Variants in YAP1 observed in about 807,000 individuals in gnomAD.
YAP1 encodes Yes1 associated transcriptional regulator, also known as transcriptional coactivator YAP1.
In YAP1, 5 loss-of-function variants were observed where a neutral mutation model predicts 56.9. The observed-to-expected ratio is 0.09, with a 90% CI of 0.05 to 0.18. The LOEUF is 0.18. Among genes scored for constraint, YAP1 ranks in the 10% least tolerant of loss-of-function variants. YAP1 has a pLI of 1.00. For missense variants in YAP1, 539 were observed against 651.8 expected (o/e 0.83, Z 1.88); for synonymous variants, 265 against 248.1 (o/e 1.07, Z -0.64).
chr11:102,226,757 CT>C (rs1950216860), intron 7 of YAP1, among the ~76,000 whole-genome samples: 1 of 152,016 alleles, frequency 6.6e-6, no homozygotes, highest in African/African-American at 2.4e-5. Context: ...TTGTTTTGCT[CT>C]TTTCTTTAAC....
chr11:102,114,013 C>G (rs1943126022), intron 1 of YAP1, 131 bp from the exon 2 acceptor site: 3 of 807,092 alleles, frequency 3.7e-6, no homozygotes, highest in East Asian at 5.6e-5. Flanking sequence ...TCTCCAGTGT[C>G]GAATATTAAA....
intron 2 of YAP1, among the ~76,000 whole-genome samples, chr11:102,133,958 A>G (rs1324626489): frequency 1.3e-5 from 2 of 152,174 alleles, no homozygotes; most frequent in African/African-American, 2.4e-5. Flanking sequence ...ACAGTAAGAA[A>G]ATACACACTG....
intron 1 of YAP1, among the ~76,000 whole-genome samples, chr11:102,111,789 C>A (rs1485714328): frequency 6.6e-6 from 1 of 151,968 alleles, no homozygotes; most frequent in African/African-American, 2.4e-5. Context: ...TAGAACCGGT[C>A]CATTTAGTTT....
chr11:102,148,173 G>A (rs1261710424), intron 2 of YAP1, among the ~76,000 whole-genome samples: 4 of 152,154 alleles, frequency 2.6e-5, no homozygotes. Context: ...AATTAATAGA[G>A]CATGCTTAAA....
chr11:102,186,056 G>A lies in YAP1; in HGVS notation c.727G>A (p.Asp243Asn). ...PDGWEQAMTQDGEIYYINHKN... is the reference protein window; with the variant it reads ...PDGWEQAMTQNGEIYYINHKN... ...TGGATGGGAACAAGCCATGACTCAGGATGGAGAAATTTACTATATAAACCA... is the reference window on the plus strand; with the variant it reads ...TGGATGGGAACAAGCCATGACTCAGAATGGAGAAATTTACTATATAAACCA... Residue 243 changes from aspartate (D) to asparagine (N), a missense_variant, in exon 4 of 9, where the codon GAT (aspartate) becomes AAT (asparagine). Transcript: ENST00000282441. 1 of 1,611,926 alleles carries A rather than the reference G, an allele frequency of 6.2e-7. No homozygotes were observed. Among genetic ancestry groups the A allele is most frequent in the Non-Finnish European group, 8.5e-7 (1 of 1,179,382 alleles).
At chr11:102,124,364 T>C (rs1040012123) in intron 2 of YAP1, among the ~76,000 whole-genome samples, 24 of 152,218 alleles carry the variant, frequency 1.6e-4, no homozygotes, top group African/African-American at 5.1e-4. Context: ...TCTGTTGATA[T>C]GCTCTTTTAA....
intron 3 of YAP1, among the ~76,000 whole-genome samples, chr11:102,177,974 A>G (rs1565233814): frequency 6.6e-6 from 1 of 152,184 alleles, no homozygotes; most frequent in Non-Finnish European, 1.5e-5. Context: ...GGAGAGCTCA[A>G]CTGTCAAGGT....
In YAP1 at chr11:102,114,763, C is replaced by T. The variant is rs367883277; in HGVS notation, c.572+369C>T. Among the ~76,000 whole-genome samples, 18 of 152,262 alleles carry T rather than the reference C, an allele frequency of 1.2e-4. No homozygotes were observed. In the East Asian group the frequency reaches 3.3e-3, roughly 28 times the overall value. On this transcript the variant is annotated intron_variant, in intron 2 of 8. Coordinates refer to ENST00000282441, the MANE Select transcript of YAP1 (RefSeq NM_001130145.3). ...CTGGGAATTACAGGGCTAGCAGCGT[C>T]TTACAAAATACGTATGGTGCTACTT... is the stretch of plus-strand genomic sequence containing the variant.
intron 6 of YAP1, 28 bp downstream of exon 6, chr11:102,209,592 T>G: frequency 6.8e-7 from 1 of 1,473,820 alleles, no homozygotes; most frequent in African/African-American, 1.6e-5. Context: ...GTTTTAGCAC[T>G]GGAAAAAAAA....
chr11:102,129,620 A>G (rs1944254713), intron 2 of YAP1, among the ~76,000 whole-genome samples: 1 of 1,664 alleles, frequency 6.0e-4, no homozygotes, highest in Admixed American at 4.1e-3. Flanking sequence ...TCTGTCTCCA[A>G]AAAAAAAAAA....
chr11:102,211,641 A>G (rs73583929), intron 6 of YAP1, among the ~76,000 whole-genome samples: 1,604 of 152,276 alleles, frequency 0.011, 34 homozygotes, highest in African/African-American at 0.037. Flanking sequence ...TTCTCATCCT[A>G]TTATTTTCTA....
chr11:102,161,528 C>T (rs972797603), intron 2 of YAP1, among the ~76,000 whole-genome samples: 2 of 152,008 alleles, frequency 1.3e-5, no homozygotes, highest in Non-Finnish European at 2.9e-5. Context: ...CCATGTTTAA[C>T]CAATTCCCTA....
At chr11:102,197,897 C>T (rs2135558796) in intron 4 of YAP1, among the ~76,000 whole-genome samples, 1 of 152,242 alleles carries the variant, frequency 6.6e-6, no homozygotes, top group South Asian at 2.1e-4. Context: ...CTTGTGAGGT[C>T]TCTGCTGCAC....
intron 3 of YAP1, among the ~76,000 whole-genome samples, chr11:102,172,961 C>CA (rs751720839): frequency 1.2e-4 from 19 of 152,174 alleles, no homozygotes; most frequent in Non-Finnish European, 1.9e-4. Context: ...GCAGCATGAA[C>CA]AGAGTCTGTG....
intron 7 of YAP1, among the ~76,000 whole-genome samples, chr11:102,226,250 C>A (rs1950188431): frequency 6.6e-6 from 1 of 152,076 alleles, no homozygotes; most frequent in South Asian, 2.1e-4. Flanking sequence ...TTTCTTGGAT[C>A]TGTGTGAGGC....
intron 5 of YAP1, among the ~76,000 whole-genome samples, chr11:102,208,415 C>T (rs772100362): frequency 5.9e-5 from 9 of 152,078 alleles, no homozygotes; most frequent in East Asian, 1.9e-4. Flanking sequence ...TCATTTTCAG[C>T]GAACCTTTAG....
intron 4 of YAP1, among the ~76,000 whole-genome samples, chr11:102,197,161 G>A (rs969426208): frequency 1.3e-5 from 2 of 152,134 alleles, no homozygotes; most frequent in Non-Finnish European, 2.9e-5. Context: ...GAGTACACTC[G>A]TAGGTATGAG....
intron 2 of YAP1, among the ~76,000 whole-genome samples, chr11:102,149,901 A>G (rs1388079979): frequency 6.6e-6 from 1 of 151,800 alleles, no homozygotes; most frequent in Non-Finnish European, 1.5e-5. Context: ...GCGTATATGA[A>G]GAAATATAGA....
intron 4 of YAP1, among the ~76,000 whole-genome samples, chr11:102,194,758 C>T (rs1284309199): frequency 1.3e-5 from 2 of 151,992 alleles, no homozygotes; most frequent in Non-Finnish European, 2.9e-5. Context: ...AGTAAAAACT[C>T]TGAGGTATGC....
Sources: allele counts gnomAD v4.1 joint callset (sites outside exome capture counted in the v4.1 genomes callset), GRCh38; gene constraint gnomAD v4.1.1; transcripts MANE v1.5; gene names NCBI Gene and HGNC (gene_info 2026-07-23, HGNC 2026-07-21).